Variants in ZRANB3 observed in about 807,000 individuals in gnomAD.
ZRANB3 encodes DNA annealing helicase and endonuclease ZRANB3.
A neutral mutation model predicts 133.8 loss-of-function variants in ZRANB3; 125 were observed. The observed-to-expected ratio is 0.93, with a 90% CI of 0.81 to 1.08. The LOEUF is 1.08. ZRANB3 is among the 50% of genes least tolerant of loss of function. The pLI, the probability that ZRANB3 is intolerant of heterozygous loss-of-function variation, is 0.00. For synonymous variants in ZRANB3, 387 were observed against 432.7 expected (o/e 0.89, Z 1.31); for missense variants, 1,229 against 1,275.5 (o/e 0.96, Z 0.56).
At chr2:135,297,288 C>A (rs2104803844) in intron 8 of ZRANB3, among the ~76,000 whole-genome samples, 1 of 152,356 alleles carries the variant, frequency 6.6e-6, no homozygotes, top group South Asian at 2.1e-4. Flanking sequence ...GGGCACCCCT[C>A]CCCCAGCCTC....
chr2:135,512,594 A>G (rs920312862), intron 1 of ZRANB3, among the ~76,000 whole-genome samples: 1 of 151,850 alleles, frequency 6.6e-6, no homozygotes, highest in Non-Finnish European at 1.5e-5. Flanking sequence ...TTTAAAAGAC[A>G]TACCCTTAAA....
chr2:135,462,193 A>C (rs564363699), intron 2 of ZRANB3, among the ~76,000 whole-genome samples: 6 of 152,214 alleles, frequency 3.9e-5, no homozygotes, highest in Non-Finnish European at 8.8e-5. Context: ...CCAGGTAAAA[A>C]CATAAAGGCA....
chr2:135,254,767 T>C (rs973150879), intron 12 of ZRANB3, among the ~76,000 whole-genome samples: 1 of 152,144 alleles, frequency 6.6e-6, no homozygotes, highest in Non-Finnish European at 1.5e-5. Flanking sequence ...TTTTTTTTCT[T>C]TGAGACAGAG....
intron 2 of ZRANB3, among the ~76,000 whole-genome samples, chr2:135,416,061 C>T (rs1351675018): frequency 1.3e-5 from 2 of 152,016 alleles, no homozygotes; most frequent in East Asian, 1.9e-4. Flanking sequence ...ACAGGGATGC[C>T]CTCGCTCATC....
At chr2:135,525,803 A>G (rs1327407024) in intron 1 of ZRANB3, among the ~76,000 whole-genome samples, 1 of 149,198 alleles carries the variant, frequency 6.7e-6, no homozygotes, top group Non-Finnish European at 1.5e-5. Flanking sequence ...GGCCGAGATC[A>G]CACCATTGCA....
chr2:135,395,525 T>G (rs1312245822), intron 2 of ZRANB3, among the ~76,000 whole-genome samples: 1 of 151,602 alleles, frequency 6.6e-6, no homozygotes, highest in Non-Finnish European at 1.5e-5. Flanking sequence ...TGGTGCAATC[T>G]TGGCTCACTA....
intron 2 of ZRANB3, among the ~76,000 whole-genome samples, chr2:135,480,067 G>A (rs1180007592): frequency 6.6e-6 from 1 of 151,292 alleles, no homozygotes; most frequent in Non-Finnish European, 1.5e-5. Context: ...CAAGGTAGCT[G>A]GGACTACAGG....
intron 3 of ZRANB3, among the ~76,000 whole-genome samples, chr2:135,387,375 T>C (rs1687030066): frequency 6.6e-6 from 1 of 152,224 alleles, no homozygotes. Flanking sequence ...AGAATGAAGG[T>C]AGAGTTCATA....
At chr2:135,454,725 T>G (rs1690419474) in intron 2 of ZRANB3, among the ~76,000 whole-genome samples, 1 of 152,218 alleles carries the variant, frequency 6.6e-6, no homozygotes, top group Non-Finnish European at 1.5e-5. Flanking sequence ...TCACTTAGGA[T>G]AATGACCTCT....
intron 2 of ZRANB3, among the ~76,000 whole-genome samples, chr2:135,468,980 A>C (rs1193931831): frequency 1.3e-5 from 2 of 152,204 alleles, no homozygotes; most frequent in Non-Finnish European, 2.9e-5. Context: ...GGAACCATAC[A>C]CGTTAAAGTA....
At chr2:135,511,957 T>C in intron 1 of ZRANB3, 1 of 736,054 alleles carries the variant, frequency 1.4e-6, no homozygotes, top group Non-Finnish European at 2.5e-6. Flanking sequence ...TTTGGTCAAT[T>C]CAAACTGAGG....
At chr2:135,255,958 G>A (rs1679633684) in intron 12 of ZRANB3, among the ~76,000 whole-genome samples, 1 of 149,162 alleles carries the variant, frequency 6.7e-6, no homozygotes, top group Admixed American at 6.7e-5. Flanking sequence ...TTGTCACCCA[G>A]GCTGGAGTGC....
chr2:135,245,872 G>T (rs1222648723), intron 12 of ZRANB3, among the ~76,000 whole-genome samples: 51 of 120,694 alleles, frequency 4.2e-4, no homozygotes, highest in African/African-American at 1.6e-3. Flanking sequence ...GTTATGGTGA[G>T]CCGAGATCGC....
chr2:135,235,234 C>A (rs1005394492), intron 12 of ZRANB3, among the ~76,000 whole-genome samples: 4 of 152,076 alleles, frequency 2.6e-5, no homozygotes, highest in African/African-American at 7.2e-5. Context: ...AAGACTGAAC[C>A]AGGAAGAAGT....
At chr2:135,449,283 AC>A (rs1161000162) in intron 2 of ZRANB3, among the ~76,000 whole-genome samples, 2 of 152,108 alleles carry the variant, frequency 1.3e-5, no homozygotes, top group Non-Finnish European at 2.9e-5. Context: ...ACCCAGCCAA[AC>A]CCCTGAACCA....
chr2:135,394,132 C>A (rs530448594), intron 2 of ZRANB3, among the ~76,000 whole-genome samples: 1 of 152,072 alleles, frequency 6.6e-6, no homozygotes, highest in Non-Finnish European at 1.5e-5. Flanking sequence ...GCTGGGATTA[C>A]AGGCATGAGC....
chr2:135,326,348 A>C (rs1201656507), intron 6 of ZRANB3, among the ~76,000 whole-genome samples: 4 of 152,168 alleles, frequency 2.6e-5, no homozygotes, highest in African/African-American at 9.7e-5. Context: ...CGCACCCATC[A>C]CCCAACCATT....
rs114168979 is a variant in ZRANB3 at position 135,493,362 on chromosome 2, A to T, written c.161+10967T>A. Among the ~76,000 whole-genome samples, 451 of 150,914 alleles carry T rather than the reference A, an allele frequency of 3.0e-3. 2 individuals are homozygous for T. Among genetic ancestry groups the T allele is most frequent in the African/African-American group, 0.01 (427 of 41,344 alleles). ...CTATACTACAAGGAAAATCAAAAGG[A>T]GGCTACAGACTAGGGAAAATATTCA... is the stretch of plus-strand genomic sequence containing the variant. On this transcript the variant is annotated intron_variant, in intron 2 of 20. Transcript: ENST00000264159.
At chr2:135,512,536 A>C (rs1471656395) in intron 1 of ZRANB3, among the ~76,000 whole-genome samples, 1 of 151,850 alleles carries the variant, frequency 6.6e-6, no homozygotes, top group East Asian at 1.9e-4. Flanking sequence ...AAAACAAATG[A>C]AAAGATTCCT....
Sources: allele counts gnomAD v4.1 joint callset (sites outside exome capture counted in the v4.1 genomes callset), GRCh38; gene constraint gnomAD v4.1.1; transcripts MANE v1.5; gene names NCBI Gene and HGNC (gene_info 2026-07-23, HGNC 2026-07-21).